Variants in CROCC observed in about 807,000 individuals in gnomAD.
CROCC encodes ciliary rootlet coiled-coil, rootletin, also known as rootletin.
A neutral mutation model predicts 245.2 loss-of-function variants in CROCC; 180 were observed. The ratio of observed to expected loss-of-function variants is 0.73; its 90% CI spans 0.65 to 0.83. The LOEUF is 0.83. Ranked by LOEUF, CROCC falls within the 40% of genes least tolerant of loss-of-function variation. The pLI is 0.00. For synonymous variants in CROCC, 1,205 were observed against 1,241.6 expected (o/e 0.97, Z 0.62); for missense variants, 2,688 against 2,779.4 (o/e 0.97, Z 0.74).
chr1:16,944,018 A>T, intron 13 of CROCC, 82 bp from the exon 14 acceptor site: 4 of 1,354,604 alleles, frequency 3.0e-6, no homozygotes. Flanking sequence ...GATGTAGCTC[A>T]TGGCTAGAGG....
At chr1:16,953,717 A>G in intron 21 of CROCC, 2 of 503,550 alleles carry the variant, frequency 4.0e-6, no homozygotes, top group Non-Finnish European at 3.5e-6. Context: ...TCGTGACACC[A>G]GGAAAGCTGT....
At position 16,965,772 on chromosome 1, in the gene CROCC, G is replaced by T; in HGVS notation, c.4455G>T (p.Gly1485=). ...CCAGCACCTTAGAATGCAGCCCTGG[G>T]TCCCAGCCACCATCTCCAGGACCTG... ...NSPSTLECSP[G]SQPPSPGPAT... is the part of the protein sequence containing the mutation. Residue 1485 remains glycine (G), a synonymous_variant, in exon 28 of 37, where the codon GGG becomes GGT. Transcript: ENST00000375541. The T allele has an allele frequency of 6.2e-7, 1 of 1,613,818 alleles. No homozygotes were observed.
Position 16,948,515 on chromosome 1 carries a change from C to G in CROCC, c.2699C>G (p.Thr900Arg). Reference sequence around the variant, plus strand: ...GGCAGGACCCTGTCAGAGGAGGCCACACGCCTGCGGTAAGGCCTTGGGCTC... The same window carrying G: ...GGCAGGACCCTGTCAGAGGAGGCCAGACGCCTGCGGTAAGGCCTTGGGCTC... ...REGRTLSEEA[T>R]RLRLEKEALE... The change falls in exon 18 of 37, where the codon ACA becomes AGA. Residue 900 changes from threonine to arginine, a missense_variant. Coordinates refer to ENST00000375541, the MANE Select transcript of CROCC (RefSeq NM_014675.5). 6.5e-7 allele frequency: 1 copy of G among 1,541,588 alleles called. No homozygotes were observed. The highest frequency in any genetic ancestry group is 2.2e-4 in the Middle Eastern group (1 of 4,512).
chr1:16,972,312 A>G (rs1212825329), intron 36 of CROCC, 48 bp from the exon 37 acceptor site: 4 of 1,497,644 alleles, frequency 2.7e-6, no homozygotes, highest in Non-Finnish European at 3.7e-6. Flanking sequence ...CCTTTCTCTG[A>G]AGCCAGGCTG....
At position 16,966,669 on chromosome 1, in the gene CROCC, GTC is replaced by G. The variant is rs1182721400; in HGVS notation, c.4860+104_4860+105del. On this transcript the variant is annotated intron_variant, in intron 30 of 36. Transcript: ENST00000375541. The surrounding 1 kb of genome is among the most constrained non-coding windows in gnomAD (Gnocchi z 4.8). ...TGTCTCCCTGTGTCTGTCTGCCTGAGTCTCTCTGCAACCCACTGAGGTGACCA... is the reference window on the plus strand; with the variant it reads ...TGTCTCCCTGTGTCTGTCTGCCTGAGTCTCTGCAACCCACTGAGGTGACCA... 3.4e-5 allele frequency: 46 copies of G among 1,358,186 alleles called. No homozygotes were observed. The highest frequency in any genetic ancestry group is 4.3e-5 in the Non-Finnish European group (45 of 1,036,552). 84.1% of individuals were successfully genotyped at this position (1,358,186 alleles called of 1,614,324 possible). A position where few individuals can be genotyped will look rare whatever the true frequency, so the allele number is the denominator to read the frequency against.
chr1:16,965,996 C>T lies in CROCC; in HGVS notation c.4576-3C>T, dbSNP rs1238668390. The T allele has an allele frequency of 1.9e-6, 3 of 1,611,596 alleles. No individual in the cohort carries two copies. The highest frequency in any genetic ancestry group is 1.3e-5 in the African/African-American group (1 of 74,890). On this transcript the variant is annotated splice_region_variant and splice_polypyrimidine_tract_variant and intron_variant, in intron 28 of 36. Coordinates refer to ENST00000375541, the MANE Select transcript of CROCC (RefSeq NM_014675.5). ...TCTTTGTTCCCCCATGTCGGGGCTA[C>T]AGGACGAACTTCGGACCCAGACCAG...
Position 16,971,577 on chromosome 1 carries a change from C to A in CROCC, c.5897C>A (p.Ala1966Glu), listed in dbSNP as rs767033869. The A allele has an allele frequency of 2.2e-5, 34 of 1,534,192 alleles. No homozygotes were observed. In the South Asian group the frequency reaches 3.8e-4, roughly 17 times the overall value. ...GTGGAGCGGCTGCGCAGCGCCCAGG[C>A]GCAGACTGAGCGCACCCTGGAGGCT... ...QEVERLRSAQ[A>E]QTERTLEARE... The change falls in exon 36 of 37, where the codon GCG becomes GAG. Residue 1966 changes from alanine to glutamate, a missense_variant. Coordinates refer to ENST00000375541, the MANE Select transcript of CROCC (RefSeq NM_014675.5).
At chr1:16,944,898 G>A (rs1339620764) in intron 14 of CROCC, among the ~76,000 whole-genome samples, 3 of 152,274 alleles carry the variant, frequency 2.0e-5, no homozygotes, top group Non-Finnish European at 2.9e-5. Context: ...GGTCCTTGGG[G>A]AGATGTGTCA....
chr1:16,922,398 A>G (rs2075428291), intron 1 of CROCC, among the ~76,000 whole-genome samples: 2 of 152,264 alleles, frequency 1.3e-5, no homozygotes, highest in South Asian at 2.1e-4. Context: ...GGGGCCCCCA[A>G]CACTGGACTG....
Position 16,958,576 on chromosome 1 carries a change from C to G in CROCC, c.3865-7C>G, listed in dbSNP as rs1334813541. ...CTGAACCTGCTGCCATTCCCGTGCT[C>G]TCACAGATGAAGATGCTGGACAGTG... On this transcript the variant is annotated splice_region_variant and splice_polypyrimidine_tract_variant and intron_variant, in intron 25 of 36. Coordinates refer to ENST00000375541, the MANE Select transcript of CROCC (RefSeq NM_014675.5). 17 of 1,550,488 alleles carry G rather than the reference C, an allele frequency of 1.1e-5. No individual in the cohort carries two copies. The highest frequency in any genetic ancestry group is 1.5e-5 in the Non-Finnish European group (17 of 1,147,408).
intron 3 of CROCC, 42 bp from the exon 4 acceptor site, chr1:16,929,804 C>G (rs1236083665): frequency 2.0e-6 from 3 of 1,484,278 alleles, no homozygotes; most frequent in Non-Finnish European, 2.7e-6. Flanking sequence ...AGCCTGCCTT[C>G]CCAGGAGGCC....
chr1:16,936,748 C>T lies in CROCC; in HGVS notation c.1068C>T (p.Ala356=). The change falls in exon 9 of 37, where the codon GCC becomes GCT. Residue 356 remains alanine (A), a synonymous_variant. Coordinates refer to ENST00000375541, the MANE Select transcript of CROCC (RefSeq NM_014675.5). ...TGGCAGAGAGCCGGGCCGAGGCAGC[C>T]CTGGAGAAACAGGCCCTGCTGCAGG... ...LRLAESRAEA[A]LEKQALLQAQ... 1.2e-6 allele frequency: 2 copies of T among 1,610,822 alleles called. No individual in the cohort carries two copies. The highest frequency in any genetic ancestry group is 1.7e-6 in the Non-Finnish European group (2 of 1,179,340).
rs2075434914 is a variant in CROCC at position 16,922,692 on chromosome 1, GA to G, written c.93del (p.Gly32AlafsTer175). 1 of 1,613,082 alleles carries G rather than the reference GA, an allele frequency of 6.2e-7. No individual in the cohort carries two copies. Among genetic ancestry groups the G allele is most frequent in the African/African-American group, 1.3e-5 (1 of 74,942 alleles). On this transcript the variant is annotated frameshift_variant, in exon 2 of 37. Coordinates refer to ENST00000375541, the MANE Select transcript of CROCC (RefSeq NM_014675.5). LOFTEE classifies it high-confidence loss of function. ...TGGAGAGCAGCGTCCTGTGCCAGGAGAAAGGCTTGGGCGCGCGGGACCTGGC... is the reference window on the plus strand; with the variant it reads ...TGGAGAGCAGCGTCCTGTGCCAGGAGAAGGCTTGGGCGCGCGGGACCTGGC... Reference protein sequence around the residue: ...TLESSVLCQEKGLGARDLAQD... With the variant: ...TLESSVLCQEXGLGARDLAQD...
chr1:16,943,177 G>C (rs2075968580), intron 13 of CROCC, among the ~76,000 whole-genome samples: 1 of 152,210 alleles, frequency 6.6e-6, no homozygotes, highest in Non-Finnish European at 1.5e-5. Flanking sequence ...TGGAGGTGGA[G>C]GTTGCAGCAA....
At chr1:16,970,865 A>T in intron 35 of CROCC, 98 bp downstream of exon 35, 1 of 1,362,696 alleles carries the variant, frequency 7.3e-7, no homozygotes, top group East Asian at 2.7e-5. Context: ...AGGGCCCATA[A>T]CCCCCTCCCC....
rs781463819 is a variant in CROCC, at chr1:16,965,878, G to T, written c.4561G>T (p.Ala1521Ser). Residue 1521 changes from alanine to serine, a missense_variant, in exon 28 of 37, where the codon GCC (alanine) becomes TCC (serine). Transcript: ENST00000375541. ...GGAATTCCTGCAAGAGCTGCGGAGT[G>T]CCCAGAGAGAACGGGTAAGCCTGGG... is the stretch of plus-strand genomic sequence containing the variant. ...LREFLQELRS[A>S]QRERDELRTQ... The T allele has an allele frequency of 3.1e-6, 5 of 1,613,292 alleles. No homozygotes were observed. The Admixed American group carries it at 8.3e-5, about 27-fold the overall frequency.
At chr1:16,955,213 A>T (rs2076229296) in intron 23 of CROCC, 99 bp from the exon 24 acceptor site, 1 of 1,157,456 alleles carries the variant, frequency 8.6e-7, no homozygotes, top group South Asian at 1.3e-5. Flanking sequence ...CTGCAGAGGG[A>T]TGGGGCAGGC....
chr1:16,947,308 CTCTACAAAAAATTAGCTGG>C, intron 17 of CROCC, among the ~76,000 whole-genome samples: 1 of 152,208 alleles, frequency 6.6e-6, no homozygotes, highest in East Asian at 1.9e-4. Flanking sequence ...GAAACCCTAT[CTCTACAAAAAATTAGCTGG>C]GCGTGGTGGC....
chr1:16,957,344 C>T (rs2076264555), intron 25 of CROCC, among the ~76,000 whole-genome samples: 1 of 152,186 alleles, frequency 6.6e-6, no homozygotes, highest in South Asian at 2.1e-4. Flanking sequence ...GAAGTCAAGG[C>T]TGCAGTGAGC....
Sources: allele counts gnomAD v4.1 joint callset (sites outside exome capture counted in the v4.1 genomes callset), GRCh38; gene constraint gnomAD v4.1.1; non-coding constraint Gnocchi (gnomAD v3.1); transcripts MANE v1.5; gene names NCBI Gene and HGNC (gene_info 2026-07-23, HGNC 2026-07-21).